SH3RF1: variants seen among roughly 807,000 people sequenced by gnomAD.
The protein encoded by SH3RF1 is E3 ubiquitin-protein ligase SH3RF1.
A neutral mutation model predicts 74.0 loss-of-function variants in SH3RF1; 32 were observed. That is an observed-to-expected ratio of 0.43 (90% CI 0.33 to 0.58). SH3RF1 has a LOEUF of 0.58. Ranked by LOEUF, SH3RF1 falls within the 20% of genes least tolerant of loss-of-function variation. SH3RF1 has a pLI of 0.05. For missense variants in SH3RF1, 954 were observed against 1,130.9 expected (o/e 0.84, Z 2.24); for synonymous variants, 396 against 439.6 (o/e 0.90, Z 1.24).
chr4:169,229,105 T>G (rs561223160), intron 2 of SH3RF1, among the ~76,000 whole-genome samples: 1 of 152,290 alleles, frequency 6.6e-6, no homozygotes, highest in Non-Finnish European at 1.5e-5. Context: ...ATAATCATAC[T>G]TAAGAGTTTT....
chr4:169,205,348 G>A (rs1730237037), intron 2 of SH3RF1, among the ~76,000 whole-genome samples: 2 of 152,156 alleles, frequency 1.3e-5, no homozygotes, highest in African/African-American at 2.4e-5. Flanking sequence ...AAACAGAAAT[G>A]ACTTGTCAGA....
chr4:169,203,528 G>A (rs1734944869), intron 2 of SH3RF1, among the ~76,000 whole-genome samples: 1 of 150,966 alleles, frequency 6.6e-6, no homozygotes, highest in Non-Finnish European at 1.5e-5. Context: ...TCCAGCCTGG[G>A]CAACAGAGCC....
At chr4:169,260,430 G>A (rs1462748931) in intron 2 of SH3RF1, among the ~76,000 whole-genome samples, 1 of 152,158 alleles carries the variant, frequency 6.6e-6, no homozygotes, top group Non-Finnish European at 1.5e-5. Flanking sequence ...TTGCAGGCCA[G>A]GGCAGTGCAA....
intron 4 of SH3RF1, among the ~76,000 whole-genome samples, chr4:169,139,692 T>C (rs1272495948): frequency 6.6e-6 from 1 of 152,194 alleles, no homozygotes; most frequent in Non-Finnish European, 1.5e-5. Flanking sequence ...GGTTGGATGC[T>C]TGGAAAAATT....
intron 4 of SH3RF1, among the ~76,000 whole-genome samples, chr4:169,150,392 T>C (rs1019020117): frequency 6.6e-6 from 1 of 152,186 alleles, no homozygotes; most frequent in Non-Finnish European, 1.5e-5. Flanking sequence ...ATCTTTATCA[T>C]GTATAAGATG....
chr4:169,181,167 C>G (rs1056853776), intron 2 of SH3RF1, among the ~76,000 whole-genome samples: 1 of 151,896 alleles, frequency 6.6e-6, no homozygotes, highest in Non-Finnish European at 1.5e-5. Flanking sequence ...TGTTTTTCTC[C>G]TCCCTTATTT....
chr4:169,233,324 C>T (rs918019605), intron 2 of SH3RF1, among the ~76,000 whole-genome samples: 13 of 145,258 alleles, frequency 8.9e-5, no homozygotes, highest in African/African-American at 3.3e-4. Flanking sequence ...CTTAATTTAA[C>T]ATTCCGGTTA....
At chr4:169,152,298 C>A (rs1321519125) in intron 4 of SH3RF1, among the ~76,000 whole-genome samples, 2 of 152,162 alleles carry the variant, frequency 1.3e-5, no homozygotes, top group Non-Finnish European at 2.9e-5. Flanking sequence ...ATCTTAAGAG[C>A]TCAACAAGGA....
At chr4:169,140,633 C>T (rs907387313) in intron 4 of SH3RF1, among the ~76,000 whole-genome samples, 1 of 152,044 alleles carries the variant, frequency 6.6e-6, no homozygotes, top group South Asian at 2.1e-4. Context: ...AACAACAAGG[C>T]AGCTTAAGAA....
chr4:169,258,372 T>C (rs1579167335), intron 2 of SH3RF1, among the ~76,000 whole-genome samples: 5 of 152,244 alleles, frequency 3.3e-5, no homozygotes, highest in Admixed American at 3.3e-4. Flanking sequence ...TAACCAACAC[T>C]TCAGCTTCAG....
Position 169,106,997 on chromosome 4 carries a change from G to T in SH3RF1, c.2348C>A (p.Thr783Asn), listed in dbSNP as rs770595637. The T allele has an allele frequency of 6.2e-7, 1 of 1,614,002 alleles. No individual in the cohort carries two copies. The highest frequency in any genetic ancestry group is 1.7e-5 in the Admixed American group (1 of 60,032). Residue 783 changes from threonine to asparagine, a missense_variant, in exon 11 of 12, where the codon ACT becomes AAT. By Grantham distance (65) the Thr-to-Asn change is moderately conservative. Around this residue, in one of 3 missense-constraint regions of SH3RF1, gnomAD observed 854 missense variants for 962.5 expected, o/e 0.89. Coordinates refer to ENST00000284637, the MANE Select transcript of SH3RF1 (RefSeq NM_020870.4). ...GGCCAGGGCTGCTCCTGCCACTGCA[G>T]TCGTGACCGGTCCGTCCCCGTCCAC... ...CPVDGDGPVTTAVAGAALAQD... is the reference protein window; with the variant it reads ...CPVDGDGPVTNAVAGAALAQD...
chr4:169,096,789 C>A lies in SH3RF1; in HGVS notation c.2499-102G>T, dbSNP rs988788956. The stretch of plus-strand genomic sequence containing the variant: ...AACCTTCAACATAAATAGGAAATAA[C>A]ATTAATTCATTTATGATTGTAAAAC... On this transcript the variant is annotated intron_variant, in intron 11 of 11. Coordinates refer to ENST00000284637, the MANE Select transcript of SH3RF1 (RefSeq NM_020870.4). 6 of 1,071,926 alleles carry A rather than the reference C, an allele frequency of 5.6e-6. No individual in the cohort carries two copies. The East Asian group carries it at 1.5e-4, about 26-fold the overall frequency. The allele number at this position is 1,071,926 out of a possible 1,614,324, so 66.4% of individuals were successfully genotyped here.
At chr4:169,214,837 C>T (rs1730436967) in intron 2 of SH3RF1, among the ~76,000 whole-genome samples, 1 of 152,136 alleles carries the variant, frequency 6.6e-6, no homozygotes, top group African/African-American at 2.4e-5. Flanking sequence ...CTAATAAGGA[C>T]TAAAAAAACT....
At chr4:169,247,713 G>C (rs1284976569) in intron 2 of SH3RF1, among the ~76,000 whole-genome samples, 1 of 151,824 alleles carries the variant, frequency 6.6e-6, no homozygotes, top group Non-Finnish European at 1.5e-5. Flanking sequence ...TCCTGCACAC[G>C]ACAGAAACTG....
At chr4:169,130,524 G>A (rs1733601051) in intron 5 of SH3RF1, among the ~76,000 whole-genome samples, 1 of 152,312 alleles carries the variant, frequency 6.6e-6, no homozygotes, top group South Asian at 2.1e-4. Context: ...TTTCCCTGAA[G>A]ATCCTGTTAA....
chr4:169,146,998 C>T (rs1415059096), intron 4 of SH3RF1, among the ~76,000 whole-genome samples: 1 of 152,008 alleles, frequency 6.6e-6, no homozygotes, highest in Non-Finnish European at 1.5e-5. Context: ...AAAGTTCAAC[C>T]CTGAAAATTA....
At position 169,269,342 on chromosome 4, in the gene SH3RF1, T is replaced by C; in HGVS notation, c.-95-35A>G. The C allele has an allele frequency of 3.0e-6, 3 of 984,698 alleles. No homozygotes were observed. In the South Asian group the frequency reaches 5.6e-5, roughly 19 times the overall value. The allele number at this position is 984,698 out of a possible 1,614,324, so 61.0% of individuals were successfully genotyped here. On this transcript the variant is annotated intron_variant, in intron 1 of 11. Coordinates refer to ENST00000284637, the MANE Select transcript of SH3RF1 (RefSeq NM_020870.4). Reference sequence around the variant, plus strand: ...TGGGGAAAAGGGGGAAAAGAGAACATGAGTGTTGTTATCTAGGGAAAAAGT... The same window carrying C: ...TGGGGAAAAGGGGGAAAAGAGAACACGAGTGTTGTTATCTAGGGAAAAAGT...
intron 2 of SH3RF1, among the ~76,000 whole-genome samples, chr4:169,259,054 A>C (rs756692046): frequency 2.0e-5 from 3 of 152,172 alleles, no homozygotes; most frequent in Non-Finnish European, 2.9e-5. Context: ...TCCTATAGCT[A>C]ACTTTAGCTT....
intron 4 of SH3RF1, among the ~76,000 whole-genome samples, chr4:169,149,933 T>G (rs1339907735): frequency 6.6e-6 from 1 of 152,190 alleles, no homozygotes; most frequent in Admixed American, 6.5e-5. Flanking sequence ...CCTTGGCAAC[T>G]TCAAACTATG....
Sources: allele counts gnomAD v4.1 joint callset (sites outside exome capture counted in the v4.1 genomes callset), GRCh38; gene constraint gnomAD v4.1.1; regional missense constraint gnomAD v4.1.1; transcripts MANE v1.5; gene names NCBI Gene and HGNC (gene_info 2026-07-23, HGNC 2026-07-21).